Variants in PCDHGA5 observed in about 807,000 individuals in gnomAD.
PCDHGA5 encodes protocadherin gamma-A5.
Under a neutral mutation model 56.7 loss-of-function variants are expected in PCDHGA5, and 36 were observed. The observed-to-expected ratio is 0.64, with a 90% CI of 0.49 to 0.84. PCDHGA5 has a LOEUF of 0.84. Ranked by LOEUF, PCDHGA5 falls within the 40% of genes least tolerant of loss-of-function variation. The pLI is 0.00. For synonymous variants in PCDHGA5, 563 were observed against 520.2 expected (o/e 1.08, Z -1.12); for missense variants, 1,305 against 1,201.5 (o/e 1.09, Z -1.27).
At chr5:141,451,107 C>T (rs768308463) in intron 1 of PCDHGA5, among the ~76,000 whole-genome samples, 3 of 152,118 alleles carry the variant, frequency 2.0e-5, no homozygotes, top group Non-Finnish European at 4.4e-5. Flanking sequence ...GGATTACAGG[C>T]GTGAGCCACC....
At chr5:141,410,142 G>C in intron 1 of PCDHGA5, 1 of 1,612,730 alleles carries the variant, frequency 6.2e-7, no homozygotes, top group African/African-American at 1.3e-5. Context: ...GTCGCTGTGC[G>C]TGACGGTGGA....
chr5:141,441,631 C>A, intron 1 of PCDHGA5: 2 of 226,308 alleles, frequency 8.8e-6, no homozygotes, highest in Non-Finnish European at 1.8e-5. Context: ...GACCTGGAGC[C>A]ACAGGCGCTG....
At chr5:141,478,500 T>G in intron 1 of PCDHGA5, 1 of 1,612,740 alleles carries the variant, frequency 6.2e-7, no homozygotes, top group Non-Finnish European at 8.5e-7. Flanking sequence ...TGTGATCCGG[T>G]GTTCTATAGG....
At chr5:141,370,746 C>A in intron 1 of PCDHGA5, 1 of 1,613,906 alleles carries the variant, frequency 6.2e-7, no homozygotes, top group Non-Finnish European at 8.5e-7. Context: ...AAACTTTTTT[C>A]ATGTAACTGT....
chr5:141,395,077 A>G (rs2093162583), intron 1 of PCDHGA5: 3 of 1,614,024 alleles, frequency 1.9e-6, no homozygotes, highest in Non-Finnish European at 2.5e-6. Flanking sequence ...ACCTATTCCC[A>G]GGAAGTCTCC....
chr5:141,375,526 G>A (rs377448744), intron 1 of PCDHGA5: 1 of 1,614,008 alleles, frequency 6.2e-7, no homozygotes, highest in Non-Finnish European at 8.5e-7. Flanking sequence ...ACCCTGACGT[G>A]GACCAGAACG....
intron 1 of PCDHGA5, among the ~76,000 whole-genome samples, chr5:141,424,944 A>G (rs958272371): frequency 2.6e-5 from 4 of 152,108 alleles, no homozygotes; most frequent in African/African-American, 9.7e-5. Context: ...CTCTCACATC[A>G]CTTCTAGGTA....
At chr5:141,392,505 T>G (rs1271878225) in intron 1 of PCDHGA5, 1 of 227,850 alleles carries the variant, frequency 4.4e-6, no homozygotes, top group African/African-American at 2.3e-5. Flanking sequence ...ATGATTTTTT[T>G]TTCTCAGTAA....
At chr5:141,478,618 G>A (rs1374855853) in intron 1 of PCDHGA5, 1 of 1,556,056 alleles carries the variant, frequency 6.4e-7, no homozygotes, top group Non-Finnish European at 8.7e-7. Flanking sequence ...GGAAGGAATG[G>A]AGCTGTTTTT....
At position 141,399,372 on chromosome 5, in the gene PCDHGA5, T is replaced by A; in HGVS notation, c.2421+32621T>A. The A allele has an allele frequency of 1.2e-6, 2 of 1,613,970 alleles. 1 individual carries two copies. The highest frequency in any genetic ancestry group is 2.2e-5 in the South Asian group (2 of 91,086). On this transcript the variant is annotated intron_variant, in intron 1 of 3. Transcript: ENST00000518069. ...ACCGAGAGCAAACCCCGGAGTACAATGTCACCATCACAGCCACAGACAGGG... is the reference window on the plus strand; with the variant it reads ...ACCGAGAGCAAACCCCGGAGTACAAAGTCACCATCACAGCCACAGACAGGG...
At position 141,491,413 on chromosome 5, in the gene PCDHGA5, G is replaced by A. The variant is rs1193417991; in HGVS notation, c.2422-3394G>A. 5.6e-6 allele frequency: 9 copies of A among 1,613,946 alleles called. No individual in the cohort carries two copies. Among genetic ancestry groups the A allele is most frequent in the Non-Finnish European group, 7.6e-6 (9 of 1,179,986 alleles). On this transcript the variant is annotated intron_variant, in intron 1 of 3. Transcript: ENST00000518069. The surrounding 1 kb of genome is among the most constrained non-coding windows in gnomAD (Gnocchi z 6.9). Reference sequence around the variant, plus strand: ...CCTTCAGGGAAACGCAGACGGGGACGGGGGTGGAGGGCAGTGCTGCAGGCG... The same window carrying A: ...CCTTCAGGGAAACGCAGACGGGGACAGGGGTGGAGGGCAGTGCTGCAGGCG...
chr5:141,423,503 C>T (rs1225012888), intron 1 of PCDHGA5: 2 of 1,613,984 alleles, frequency 1.2e-6, no homozygotes, highest in South Asian at 2.2e-5. Context: ...CACGAGGTCT[C>T]TCTCATTGCG....
At chr5:141,419,878 G>A in intron 1 of PCDHGA5, 2 of 1,614,060 alleles carry the variant, frequency 1.2e-6, no homozygotes, top group Non-Finnish European at 1.7e-6. Context: ...AGGTACTGCC[G>A]GATTTCAGCG....
At chr5:141,497,956 C>T (rs2099780659) in intron 2 of PCDHGA5, among the ~76,000 whole-genome samples, 1 of 152,214 alleles carries the variant, frequency 6.6e-6, no homozygotes, top group African/African-American at 2.4e-5. Flanking sequence ...TTCTGTTGGC[C>T]AGGCAGTGTT....
At chr5:141,509,720 A>G (rs916316577) in intron 3 of PCDHGA5, among the ~76,000 whole-genome samples, 6 of 151,974 alleles carry the variant, frequency 3.9e-5, no homozygotes, top group Admixed American at 3.3e-4. Context: ...GTCTGATGTC[A>G]CCTAGCTGTG....
chr5:141,367,813 CTT>C (rs1205428294), intron 1 of PCDHGA5: 1 of 151,974 alleles, frequency 6.6e-6, no homozygotes, highest in African/African-American at 2.4e-5. Context: ...TAGATAAACC[CTT>C]TACTTATTAG....
chr5:141,399,510 C>G, intron 1 of PCDHGA5: 1 of 1,614,040 alleles, frequency 6.2e-7, no homozygotes, highest in East Asian at 2.2e-5. Flanking sequence ...CCGAAAACAA[C>G]CCTCCTGGGG....
intron 1 of PCDHGA5, chr5:141,419,682 T>C (rs758536078): frequency 6.2e-7 from 1 of 1,612,950 alleles, no homozygotes; most frequent in Non-Finnish European, 8.5e-7. Flanking sequence ...TCCTACCACG[T>C]GGTGCAGGCC....
intron 1 of PCDHGA5, 192 bp downstream of exon 1, chr5:141,366,943 A>G (rs1481461689): frequency 3.9e-6 from 3 of 775,624 alleles, no homozygotes; most frequent in Non-Finnish European, 5.9e-6. Context: ...AGTCTAGCTG[A>G]TATCTGTAGA....
Sources: gnomAD v4.1 joint callset for allele counts (sites outside exome capture counted in the v4.1 genomes callset) on GRCh38, gnomAD v4.1.1 for gene constraint, Gnocchi (gnomAD v3.1) non-coding constraint, MANE v1.5 for transcripts, NCBI Gene and HGNC (gene_info 2026-07-23, HGNC 2026-07-21) for gene names.